SIPA1L2: variants seen among roughly 807,000 people sequenced by gnomAD.
SIPA1L2 encodes the protein signal induced proliferation associated 1 like 2.
A neutral mutation model predicts 163.9 loss-of-function variants in SIPA1L2; 56 were observed. The ratio of observed to expected loss-of-function variants is 0.34; its 90% CI spans 0.28 to 0.43. The LOEUF (loss-of-function observed/expected upper bound fraction) is 0.43. Among genes scored for constraint, SIPA1L2 ranks in the 20% least tolerant of loss-of-function variants. SIPA1L2 has a pLI of 1.00. For missense variants in SIPA1L2, 1,974 were observed against 2,193.5 expected (o/e 0.90, Z 2.00); for synonymous variants, 877 against 865.7 (o/e 1.01, Z -0.23).
intron 2 of SIPA1L2, among the ~76,000 whole-genome samples, chr1:232,553,629 A>G (rs1484968965): frequency 6.6e-6 from 1 of 152,150 alleles, no homozygotes; most frequent in East Asian, 1.9e-4. Flanking sequence ...GGATTTAGAT[A>G]GAGGAGTTAG....
intron 2 of SIPA1L2, among the ~76,000 whole-genome samples, chr1:232,517,902 C>T (rs1477194513): frequency 6.6e-6 from 1 of 151,886 alleles, no homozygotes; most frequent in Non-Finnish European, 1.5e-5. Context: ...TTTTAATTAG[C>T]CCGGCGTGGC....
intron 5 of SIPA1L2, among the ~76,000 whole-genome samples, chr1:232,489,590 T>C (rs571852988): frequency 2.6e-5 from 4 of 152,292 alleles, no homozygotes; most frequent in Admixed American, 6.5e-5. Context: ...TTGCTAATAA[T>C]GCAGTGTTAA....
intron 4 of SIPA1L2, among the ~76,000 whole-genome samples, chr1:232,491,820 G>A (rs769289869): frequency 3.9e-5 from 6 of 152,078 alleles, no homozygotes; most frequent in Non-Finnish European, 7.4e-5. Context: ...GATACCTAAC[G>A]TTTGCATAAT....
Position 232,465,095 on chromosome 1 carries a change from G to T in SIPA1L2, c.2565C>A (p.Ile855=). 1 of 1,614,154 alleles carries T rather than the reference G, an allele frequency of 6.2e-7. No individual in the cohort carries two copies. Among genetic ancestry groups the T allele is most frequent in the Non-Finnish European group, 8.5e-7 (1 of 1,180,028 alleles). ...AGTCCCGGGCTATCACGTGCCACAT[G>T]ATGGCCCCAATGCTAAACAAGTGGG... is the stretch of plus-strand genomic sequence containing the variant. The part of the protein sequence containing the change: ...KDAHLFSIGA[I]MWHVIARDFG... The change falls in exon 9 of 23, where the codon ATC becomes ATA. Residue 855 remains isoleucine (I), a synonymous_variant. Transcript: ENST00000674635. This position sits in a 1 kb window ranked among gnomAD's most constrained non-coding sequence, Gnocchi z 4.1.
rs1447473594 is a variant in SIPA1L2 at position 232,439,368 on chromosome 1, G to A, written c.3771C>T (p.Tyr1257=). The A allele has an allele frequency of 2.5e-6, 4 of 1,614,204 alleles. No homozygotes were observed. Among genetic ancestry groups the A allele is most frequent in the Non-Finnish European group, 3.4e-6 (4 of 1,180,038 alleles). ...LMDPELLGLT[Y]IKGASTDSGI... is the part of the protein sequence containing the mutation. ...CACTGTCGGTGGAGGCCCCTTTGATGTAGGTCAGCCCCAGTAATTCGGGGT... is the reference window on the plus strand; with the variant it reads ...CACTGTCGGTGGAGGCCCCTTTGATATAGGTCAGCCCCAGTAATTCGGGGT... Residue 1257 remains tyrosine (Y), a synonymous_variant, in exon 15 of 23, where the codon TAC becomes TAT. Coordinates refer to ENST00000674635, the MANE Select transcript of SIPA1L2 (RefSeq NM_020808.5).
At chr1:232,545,303 T>C (rs917559723) in intron 2 of SIPA1L2, among the ~76,000 whole-genome samples, 15 of 152,214 alleles carry the variant, frequency 9.9e-5, no homozygotes, top group African/African-American at 3.1e-4. Flanking sequence ...ATATGATTTC[T>C]AACTTTCTAT....
chr1:232,454,016 CA>C (rs570956989), intron 10 of SIPA1L2, among the ~76,000 whole-genome samples: 64 of 152,194 alleles, frequency 4.2e-4, no homozygotes, highest in African/African-American at 1.5e-3. Context: ...AACAAGGTGA[CA>C]GGGGTAATTG....
chr1:232,628,143 C>CCTG (rs751657765), intron 1 of SIPA1L2, among the ~76,000 whole-genome samples: 113 of 151,630 alleles, frequency 7.5e-4, no homozygotes, highest in African/African-American at 1.6e-3. Context: ...TAACTGGGAG[C>CCTG]CTGCTGCTGC....
chr1:232,567,679 C>A (rs1659484903), intron 2 of SIPA1L2, among the ~76,000 whole-genome samples: 1 of 152,178 alleles, frequency 6.6e-6, no homozygotes, highest in African/African-American at 2.4e-5. Flanking sequence ...ACTTCAACCC[C>A]ATTTCCTGGT....
chr1:232,444,883 G>A (rs1663118577), intron 11 of SIPA1L2, among the ~76,000 whole-genome samples: 2 of 152,162 alleles, frequency 1.3e-5, no homozygotes, highest in Non-Finnish European at 2.9e-5. Context: ...GTGCCTACAT[G>A]TTACATAAAA....
In SIPA1L2 at chr1:232,609,028, T is replaced by C. The variant is rs145526152; in HGVS notation, c.-319+20841A>G. ...AAAAAAAAAGTAACCTCTTTTCTAA[T>C]AGTTTGTTTTCCACAATTTAATTTT... is the stretch of plus-strand genomic sequence containing the variant. On this transcript the variant is annotated intron_variant, in intron 1 of 22. Transcript: ENST00000674635. 1.9e-3 allele frequency among the ~76,000 whole-genome samples: 287 copies of C among 152,104 alleles called. 2 individuals are homozygous for C. Among genetic ancestry groups the C allele is most frequent in the African/African-American group, 6.6e-3 (273 of 41,494 alleles).
chr1:232,559,689 C>T (rs1262159283), intron 2 of SIPA1L2, among the ~76,000 whole-genome samples: 1 of 152,030 alleles, frequency 6.6e-6, no homozygotes, highest in Admixed American at 6.5e-5. Context: ...TGGGTGTTGA[C>T]AATTGAGGAG....
At chr1:232,475,844 A>T (rs1249104036) in intron 7 of SIPA1L2, among the ~76,000 whole-genome samples, 4 of 152,242 alleles carry the variant, frequency 2.6e-5, no homozygotes, top group Non-Finnish European at 1.5e-5. Flanking sequence ...AGTAAAGATG[A>T]TAACAGGATT....
At chr1:232,429,498 G>A (rs1320807586) in intron 16 of SIPA1L2, among the ~76,000 whole-genome samples, 1 of 152,024 alleles carries the variant, frequency 6.6e-6, no homozygotes, top group African/African-American at 2.4e-5. Context: ...AATTAAGAAG[G>A]ATTTCTCTAA....
At chr1:232,574,111 A>G (rs1261394444) in intron 2 of SIPA1L2, among the ~76,000 whole-genome samples, 63 bp downstream of exon 2, 1 of 152,150 alleles carries the variant, frequency 6.6e-6, no homozygotes, top group African/African-American at 2.4e-5. Flanking sequence ...AGTGGGACAC[A>G]AAACCCCAAT....
In SIPA1L2 at chr1:232,514,776, C is replaced by T. The variant is rs1394438816; in HGVS notation, c.564G>A (p.Leu188=). 2.5e-6 allele frequency: 4 copies of T among 1,614,204 alleles called. No individual in the cohort carries two copies. The highest frequency in any genetic ancestry group is 3.4e-6 in the Non-Finnish European group (4 of 1,180,026). The change falls in exon 3 of 23, where the codon CTG becomes CTA. Residue 188 remains leucine, a synonymous_variant. Transcript: ENST00000674635. ...ATGAAGTACTTCCATACTCCCTGTG[C>T]AGGGCAGCCCCGGTGTTGGGGTTGA... ...NAVNPNTGAA[L]HREYGSTSSI...
chr1:232,449,022 C>A (rs1328446484), intron 10 of SIPA1L2, among the ~76,000 whole-genome samples: 1 of 151,946 alleles, frequency 6.6e-6, no homozygotes, highest in South Asian at 2.1e-4. Flanking sequence ...TGCTCACCAC[C>A]CCACAGAGAT....
At chr1:232,531,099 T>C (rs1420922323) in intron 2 of SIPA1L2, among the ~76,000 whole-genome samples, 1 of 152,224 alleles carries the variant, frequency 6.6e-6, no homozygotes, top group African/African-American at 2.4e-5. Flanking sequence ...AAGCACTTTC[T>C]AAATGCCTTT....
At chr1:232,586,274 C>T (rs1389664143) in intron 1 of SIPA1L2, among the ~76,000 whole-genome samples, 1 of 152,170 alleles carries the variant, frequency 6.6e-6, no homozygotes, top group Non-Finnish European at 1.5e-5. Context: ...AAAAGACATT[C>T]ATAAATTGAA....
Sources: gnomAD v4.1 joint callset for allele counts (sites outside exome capture counted in the v4.1 genomes callset) on GRCh38, gnomAD v4.1.1 for gene constraint, Gnocchi (gnomAD v3.1) non-coding constraint, MANE v1.5 for transcripts, NCBI Gene and HGNC (gene_info 2026-07-23, HGNC 2026-07-21) for gene names.